The following DNMBP variants were observed in gnomAD, a reference collection of about 807,000 sequenced individuals.
The protein encoded by DNMBP is dynamin binding protein, also known as dynamin-binding protein.
A neutral mutation model predicts 150.0 loss-of-function variants in DNMBP; 87 were observed. The ratio of observed to expected loss-of-function variants is 0.58; its 90% CI spans 0.49 to 0.69. DNMBP has a LOEUF of 0.69. Ranked by LOEUF, DNMBP falls within the 30% of genes least tolerant of loss-of-function variation. The pLI is 0.00. For missense variants in DNMBP, 1,774 were observed against 1,949.0 expected, an observed-to-expected ratio of 0.91 and a Z score of 1.69; for synonymous variants, 711 against 750.4, an observed-to-expected ratio of 0.95 and a Z score of 0.86.
chr10:99,886,442 G>A lies in DNMBP; in HGVS notation c.3476C>T (p.Ala1159Val). ...ELQSARNNYE[A>V]LNAQLLDELP... The stretch of plus-strand genomic sequence containing the variant: ...CTCATCCAGCAGCTGTGCATTCAGG[G>A]CCTCATAGTTGTTCCGGGCCGACTG... Residue 1159 changes from alanine (A) to valine (V), a missense_variant, in exon 13 of 17, where the codon GCC (alanine) becomes GTC (valine). This residue lies in a region of DNMBP where 1,430 missense variants were observed against 1,492.5 expected (regional missense o/e 0.96). Coordinates refer to ENST00000324109, the MANE Select transcript of DNMBP (RefSeq NM_015221.4). The A allele has an allele frequency of 6.2e-7, 1 of 1,614,132 alleles. No homozygotes were observed. The highest frequency in any genetic ancestry group is 8.5e-7 in the Non-Finnish European group (1 of 1,180,026).
chr10:99,970,966 C>T (rs12768251), intron 2 of DNMBP, among the ~76,000 whole-genome samples: 26,040 of 83,194 alleles, frequency 0.31, 3,348 homozygotes, highest in Admixed American at 0.35. Flanking sequence ...AGCAAGACTC[C>T]GTCTCAAAAA....
In DNMBP at chr10:99,955,622, G is replaced by C. The variant is rs1410109345; in HGVS notation, c.1852C>G (p.Pro618Ala). 2 of 1,614,244 alleles carry C rather than the reference G, an allele frequency of 1.2e-6. No homozygotes were observed. Among genetic ancestry groups the C allele is most frequent in the East Asian group, 4.5e-5 (2 of 44,884 alleles). Residue 618 changes from proline to alanine, a missense_variant, in exon 4 of 17, where the codon CCG (proline) becomes GCG (alanine). Pro to Ala is a conservative substitution (Grantham distance 27). This residue lies in a region of DNMBP where 1,430 missense variants were observed against 1,492.5 expected (regional missense o/e 0.96). Transcript: ENST00000324109. ...LRPPPPRPCTPVSTSPHLLVD... is the reference protein window; with the variant it reads ...LRPPPPRPCTAVSTSPHLLVD... The stretch of plus-strand genomic sequence containing the variant: ...AGCAAATGGGGAGAAGTGGATACCG[G>C]AGTACAGGGACGAGGTGGCGGTGGC...
At chr10:99,906,211 G>A (rs1304450250) in intron 6 of DNMBP, among the ~76,000 whole-genome samples, 2 of 152,066 alleles carry the variant, frequency 1.3e-5, no homozygotes, top group Admixed American at 6.5e-5. Flanking sequence ...GTAAGCCAGT[G>A]TCATGACCCA....
chr10:99,921,218 C>G (rs1339961442), intron 4 of DNMBP, among the ~76,000 whole-genome samples: 2 of 152,210 alleles, frequency 1.3e-5, no homozygotes, highest in Non-Finnish European at 1.5e-5. Flanking sequence ...CCTAGCTTGT[C>G]TCTGGGCCTT....
In DNMBP at chr10:99,884,174, G is replaced by A; in HGVS notation, c.3834C>T (p.Ala1278=). 1.9e-6 allele frequency: 3 copies of A among 1,613,842 alleles called. No homozygotes were observed. Among genetic ancestry groups the A allele is most frequent in the Non-Finnish European group, 2.5e-6 (3 of 1,180,032 alleles). Residue 1278 remains alanine, a synonymous_variant, in exon 15 of 17, where the codon GCC becomes GCT. Transcript: ENST00000324109. The stretch of plus-strand genomic sequence containing the variant: ...CAGGGGGATACCTGGCCAGGAGGGA[G>A]GCCCGGAGTTCTTCTGACTGTAGCA... The part of the protein sequence containing the change: ...SYMLQSEELR[A]SLLARYPPEK...
chr10:99,973,967 G>A (rs751271000), intron 1 of DNMBP, among the ~76,000 whole-genome samples: 22 of 152,036 alleles, frequency 1.4e-4, no homozygotes, highest in Admixed American at 1.0e-3. Context: ...CCTGGGTGAC[G>A]GAGTGAGACT....
intron 3 of DNMBP, among the ~76,000 whole-genome samples, chr10:99,959,981 T>G (rs2040546555): frequency 6.6e-6 from 1 of 151,854 alleles, no homozygotes; most frequent in South Asian, 2.1e-4. Context: ...ATCCTGAAAA[T>G]ATATTATAAT....
chr10:99,940,970 C>T (rs929282321), intron 4 of DNMBP, among the ~76,000 whole-genome samples: 1 of 152,110 alleles, frequency 6.6e-6, no homozygotes, highest in Non-Finnish European at 1.5e-5. Flanking sequence ...TTGCAACCTC[C>T]ACCTCCCATG....
At chr10:99,989,223 A>G (rs2040860698) in intron 1 of DNMBP, among the ~76,000 whole-genome samples, 4 of 152,226 alleles carry the variant, frequency 2.6e-5, no homozygotes, top group African/African-American at 9.6e-5. Flanking sequence ...AGTGCCTCCC[A>G]CTACAGGCAG....
chr10:99,993,902 C>T (rs576460710), intron 1 of DNMBP, among the ~76,000 whole-genome samples: 2 of 152,046 alleles, frequency 1.3e-5, no homozygotes, highest in Non-Finnish European at 2.9e-5. Flanking sequence ...ATTCTGCCAC[C>T]CACATCCACC....
intron 1 of DNMBP, among the ~76,000 whole-genome samples, chr10:99,990,800 CATATATACACATAT>C (rs1564756371): frequency 4.3e-5 from 4 of 93,842 alleles, no homozygotes; most frequent in Admixed American, 1.1e-4. Context: ...TATATACACA[CATATATACACATAT>C]ATATATATAC....
intron 15 of DNMBP, 43 bp downstream of exon 15, chr10:99,883,968 T>C: frequency 6.4e-7 from 1 of 1,566,798 alleles, no homozygotes; most frequent in Non-Finnish European, 8.7e-7. Context: ...AAACTACTAT[T>C]TTTTTTTTCC....
chr10:99,902,396 G>A (rs2039756766), intron 6 of DNMBP, among the ~76,000 whole-genome samples: 1 of 131,212 alleles, frequency 7.6e-6, no homozygotes. Flanking sequence ...TGCAACCTCT[G>A]CCTCCTGAGT....
chr10:99,880,269 C>T lies in DNMBP; in HGVS notation c.4090G>A (p.Glu1364Lys), dbSNP rs571757457. Residue 1364 changes from glutamate (E) to lysine (K), a missense_variant, in exon 16 of 17, where the codon GAG (glutamate) becomes AAG (lysine). Transcript: ENST00000324109. ...GGGGAGGAGCTGCCGTGCTCAGACT[C>T]TGTGGAGGAGTGGCTACCCACGGAG... ...DASVGSHSST[E>K]SEHGSSSPRF... is the part of the protein sequence containing the mutation. 1.2e-6 allele frequency: 2 copies of T among 1,614,070 alleles called. No homozygotes were observed. Among genetic ancestry groups the T allele is most frequent in the Admixed American group, 3.3e-5 (2 of 60,020 alleles).
intron 4 of DNMBP, among the ~76,000 whole-genome samples, chr10:99,950,907 C>A (rs960390460): frequency 6.6e-6 from 1 of 152,232 alleles, no homozygotes; most frequent in African/African-American, 2.4e-5. Flanking sequence ...TAATGAGCAG[C>A]CAAATGTTAA....
At chr10:99,908,676 T>A (rs1424156680) in intron 5 of DNMBP, among the ~76,000 whole-genome samples, 1 of 152,114 alleles carries the variant, frequency 6.6e-6, no homozygotes, top group African/African-American at 2.4e-5. Context: ...CGATTCAGAC[T>A]CCCTGGAACT....
chr10:99,888,677 G>T, intron 12 of DNMBP, 148 bp downstream of exon 12: 1 of 909,822 alleles, frequency 1.1e-6, no homozygotes, highest in Non-Finnish European at 1.6e-6. Context: ...GTCATGTTGT[G>T]AATATCAAAC....
At chr10:99,978,925 A>G (rs955188627) in intron 1 of DNMBP, among the ~76,000 whole-genome samples, 5 of 151,724 alleles carry the variant, frequency 3.3e-5, no homozygotes, top group African/African-American at 9.7e-5. Context: ...TCCTCTCCCT[A>G]CTGGCCAAGG....
At chr10:99,976,258 C>A (rs1383375670) in intron 1 of DNMBP, among the ~76,000 whole-genome samples, 1 of 152,144 alleles carries the variant, frequency 6.6e-6, no homozygotes, top group Non-Finnish European at 1.5e-5. Flanking sequence ...CGGAGCTTAC[C>A]ATTTCAACAT....
Sources: gnomAD v4.1 joint callset for allele counts (sites outside exome capture counted in the v4.1 genomes callset) on GRCh38, gnomAD v4.1.1 for gene constraint, gnomAD v4.1.1 regional missense constraint, MANE v1.5 for transcripts, NCBI Gene and HGNC (gene_info 2026-07-23, HGNC 2026-07-21) for gene names.